Variants in GSK3B observed in about 807,000 individuals in gnomAD.
GSK3B encodes the protein glycogen synthase kinase-3 beta.
Under a neutral mutation model 56.4 loss-of-function variants are expected in GSK3B, and 15 were observed. That is an observed-to-expected ratio of 0.27 (90% CI 0.18 to 0.41). The LOEUF (loss-of-function observed/expected upper bound fraction) is 0.41, where lower values mean the gene tolerates loss of function less well. Ranked by LOEUF, GSK3B falls within the 10% of genes least tolerant of loss-of-function variation. GSK3B has a pLI of 1.00. For synonymous variants in GSK3B, 181 were observed against 188.9 expected (o/e 0.96, Z 0.34); for missense variants, 300 against 513.4 (o/e 0.58, Z 4.02).
At chr3:120,037,309 G>GATAATAAAATAAATAATAAAATA (rs1253596451) in intron 1 of GSK3B, among the ~76,000 whole-genome samples, 44 of 152,246 alleles carry the variant, frequency 2.9e-4, no homozygotes, top group African/African-American at 9.6e-4. Flanking sequence ...CAAATGGCAA[G>GATAATAAAATAAATAATAAAATA]ATAAAATAAA....
chr3:120,060,544 T>A (rs778277194), intron 1 of GSK3B, among the ~76,000 whole-genome samples: 1 of 151,778 alleles, frequency 6.6e-6, no homozygotes, highest in Non-Finnish European at 1.5e-5. Context: ...TTGGGCAACA[T>A]AGGGAGACCC....
chr3:119,915,075 C>T (rs949521203), intron 5 of GSK3B, among the ~76,000 whole-genome samples: 1 of 151,912 alleles, frequency 6.6e-6, no homozygotes, highest in African/African-American at 2.4e-5. Flanking sequence ...GTAGGCTTGA[C>T]TACATGTTAA....
intron 1 of GSK3B, among the ~76,000 whole-genome samples, chr3:120,068,119 G>A (rs1405143668): frequency 2.0e-5 from 3 of 152,110 alleles, no homozygotes; most frequent in African/African-American, 4.8e-5. Flanking sequence ...GGGGCCAGGC[G>A]CGGTGGCTCA....
intron 2 of GSK3B, among the ~76,000 whole-genome samples, chr3:119,974,365 T>C (rs2057392904): frequency 6.6e-6 from 1 of 152,142 alleles, no homozygotes; most frequent in African/African-American, 2.4e-5. Context: ...TGTGATGGTA[T>C]TAGGAGGTAG....
intron 2 of GSK3B, among the ~76,000 whole-genome samples, chr3:119,990,889 T>C (rs951959115): frequency 5.9e-5 from 9 of 152,180 alleles, no homozygotes; most frequent in South Asian, 4.1e-4. Flanking sequence ...GATTGCACCA[T>C]TGCACTCCAG....
intron 9 of GSK3B, among the ~76,000 whole-genome samples, chr3:119,862,530 A>AT (rs1260968278): frequency 6.7e-6 from 1 of 148,892 alleles, no homozygotes; most frequent in Non-Finnish European, 1.5e-5. Context: ...ATAATAAAAA[A>AT]AAAAAAAAAA....
chr3:120,041,830 C>T (rs904943983), intron 1 of GSK3B, among the ~76,000 whole-genome samples: 5 of 152,196 alleles, frequency 3.3e-5, no homozygotes, highest in East Asian at 1.9e-4. Context: ...GATGGAGACG[C>T]TCTTAAAGAA....
intron 7 of GSK3B, among the ~76,000 whole-genome samples, chr3:119,902,400 A>G (rs1559829607): frequency 6.6e-6 from 1 of 151,774 alleles, no homozygotes; most frequent in African/African-American, 2.4e-5. Context: ...TTTGATATTT[A>G]TTATTTATTT....
chr3:120,015,272 A>G (rs1187292445), intron 1 of GSK3B, among the ~76,000 whole-genome samples: 1 of 152,126 alleles, frequency 6.6e-6, no homozygotes, highest in South Asian at 2.1e-4. Flanking sequence ...CTCTTTTACC[A>G]CTCACATGTG....
At chr3:119,984,512 A>G (rs1330781399) in intron 2 of GSK3B, among the ~76,000 whole-genome samples, 1 of 152,206 alleles carries the variant, frequency 6.6e-6, no homozygotes, top group Non-Finnish European at 1.5e-5. Flanking sequence ...AATATACGCA[A>G]TAAAAAATGA....
chr3:120,065,746 C>T (rs1346569340), intron 1 of GSK3B, among the ~76,000 whole-genome samples: 1 of 152,114 alleles, frequency 6.6e-6, no homozygotes, highest in African/African-American at 2.4e-5. Context: ...GTAATATATG[C>T]ATACAATGGA....
chr3:120,011,050 C>T (rs2057774720), intron 1 of GSK3B, among the ~76,000 whole-genome samples: 2 of 152,202 alleles, frequency 1.3e-5, no homozygotes, highest in South Asian at 4.1e-4. Context: ...GCCTGGGCAA[C>T]ACAGCAAGAC....
At chr3:120,020,592 T>C (rs775687303) in intron 1 of GSK3B, among the ~76,000 whole-genome samples, 1 of 152,136 alleles carries the variant, frequency 6.6e-6, no homozygotes, top group Non-Finnish European at 1.5e-5. Context: ...CACCAATCAG[T>C]TGTTTCCTCA....
intron 1 of GSK3B, among the ~76,000 whole-genome samples, chr3:120,048,569 G>A (rs928961259): frequency 5.3e-5 from 8 of 152,170 alleles, no homozygotes; most frequent in Admixed American, 5.2e-4. Context: ...ATCTCATTGG[G>A]TTGTTATGAA....
chr3:119,979,724 G>A (rs1008007854), intron 2 of GSK3B, among the ~76,000 whole-genome samples: 10 of 152,128 alleles, frequency 6.6e-5, no homozygotes, highest in African/African-American at 2.4e-4. Flanking sequence ...TGCAACTCTT[G>A]GTGCATATGT....
intron 9 of GSK3B, among the ~76,000 whole-genome samples, chr3:119,850,161 C>T (rs2055909197): frequency 6.6e-6 from 1 of 151,396 alleles, no homozygotes; most frequent in Non-Finnish European, 1.5e-5. Flanking sequence ...ATTAAGAAGA[C>T]AAGAAATAGA....
chr3:119,935,208 C>A (rs1348059472), intron 3 of GSK3B, among the ~76,000 whole-genome samples: 1 of 152,074 alleles, frequency 6.6e-6, no homozygotes, highest in Non-Finnish European at 1.5e-5. Flanking sequence ...CAATAAACCA[C>A]TTTAATAAGA....
At chr3:119,899,535 G>A (rs977991130) in intron 7 of GSK3B, among the ~76,000 whole-genome samples, 3 of 152,054 alleles carry the variant, frequency 2.0e-5, no homozygotes, top group Non-Finnish European at 2.9e-5. Flanking sequence ...ATTGGAAAAC[G>A]TAGAACTCTG....
chr3:120,033,856 T>C (rs558064425), intron 1 of GSK3B, among the ~76,000 whole-genome samples: 1 of 152,310 alleles, frequency 6.6e-6, no homozygotes, highest in South Asian at 2.1e-4. Context: ...TCCACCATGA[T>C]TTAAGTTTCC....
Sources: gnomAD v4.1 joint callset for allele counts (sites outside exome capture counted in the v4.1 genomes callset) on GRCh38, gnomAD v4.1.1 for gene constraint, MANE v1.5 for transcripts, NCBI Gene and HGNC (gene_info 2026-07-23, HGNC 2026-07-21) for gene names.